LENG1: variants seen among roughly 807,000 people sequenced by gnomAD.
LENG1 encodes leukocyte receptor cluster (LRC) member 1.
A neutral mutation model predicts 28.8 loss-of-function variants in LENG1; 35 were observed. The observed-to-expected ratio is 1.22, with a 90% CI of 0.93 to 1.61. The LOEUF is 1.61. Ranked by LOEUF, LENG1 falls within the 40% of genes most tolerant of loss-of-function variation. The pLI is 0.00. For synonymous variants in LENG1, 170 were observed against 140.6 expected, an observed-to-expected ratio of 1.21 and a Z score of -1.48; for missense variants, 404 against 348.9, an observed-to-expected ratio of 1.16 and a Z score of -1.26.
At position 54,159,602 on chromosome 19, in the gene LENG1, TCTC is replaced by T. The variant is rs752904068; in HGVS notation, c.91_93del (p.Glu31del). ...AGCAGCACCCTCCGCTCACGCTCCT[TCTC>T]CTCCTCCCGGGCCTGGGCCTCGTCA... On this transcript the variant is annotated inframe_deletion, in exon 1 of 4. Coordinates refer to ENST00000222224, the MANE Select transcript of LENG1 (RefSeq NM_024316.3). 5.6e-5 allele frequency: 90 copies of T among 1,606,070 alleles called. 2 individuals are homozygous for T. In the South Asian group the frequency reaches 9.1e-4, roughly 16 times the overall value.
rs149799026 is a variant in LENG1, at chr19:54,155,205, T to C, written c.*516A>G. On this transcript the variant is annotated 3_prime_UTR_variant, in exon 4 of 4. Transcript: ENST00000222224. Reference sequence around the variant, plus strand: ...CGTGCAGGGCAGCTGGCCCGGTGCCTGACACATCCACAGCCCTAAGAATTG... The same window carrying C: ...CGTGCAGGGCAGCTGGCCCGGTGCCCGACACATCCACAGCCCTAAGAATTG... 12,382 of 1,439,386 alleles carry C rather than the reference T, an allele frequency of 8.6e-3. 56 individuals are homozygous for C. Among genetic ancestry groups the C allele is most frequent in the Non-Finnish European group, 0.011 (11,599 of 1,059,010 alleles). The allele number at this position is 1,439,386 out of a possible 1,614,324, so 89.2% of individuals were successfully genotyped here.
rs766009717 is a variant in LENG1 at position 54,156,982 on chromosome 19, T to C, written c.356A>G (p.Gln119Arg). 6.9e-6 allele frequency: 11 copies of C among 1,589,768 alleles called. No homozygotes were observed. The highest frequency in any genetic ancestry group is 9.4e-6 in the Non-Finnish European group (11 of 1,166,302). ...KALGILTYLG[Q>R]SAAEAQTQPP... ...TTGAGTCTGTGCCTCCGCTGCACTC[T>C]GGCCCAGGTATGTCAGGATGCCCAG... Residue 119 changes from glutamine to arginine, a missense_variant, in exon 3 of 4, where the codon CAG (glutamine) becomes CGG (arginine). Coordinates refer to ENST00000222224, the MANE Select transcript of LENG1 (RefSeq NM_024316.3).
chr19:54,155,602 T>A lies in LENG1; in HGVS notation c.*119A>T. On this transcript the variant is annotated 3_prime_UTR_variant, in exon 4 of 4. Coordinates refer to ENST00000222224, the MANE Select transcript of LENG1 (RefSeq NM_024316.3). ...CCCGGGGGCGAGGGCTGCCCCCTCC[T>A]CCCCTCCCCAGTGAGGGACATTTTT... 1 of 1,128,292 alleles carries A rather than the reference T, an allele frequency of 8.9e-7. No homozygotes were observed. Among genetic ancestry groups the A allele is most frequent in the Non-Finnish European group, 1.3e-6 (1 of 797,718 alleles). 69.9% of individuals were successfully genotyped at this position (1,128,292 alleles called of 1,614,324 possible). A position where few individuals can be genotyped will look rare whatever the true frequency, so the allele number is the denominator to read the frequency against.
intron 3 of LENG1, 93 bp downstream of exon 3, chr19:54,156,670 C>CT: frequency 7.4e-7 from 1 of 1,345,808 alleles, no homozygotes; most frequent in Non-Finnish European, 1.0e-6. Flanking sequence ...GAGTCCCTGG[C>CT]TGTCCTGACC....
chr19:54,155,259 T>C lies in LENG1; in HGVS notation c.*462A>G, dbSNP rs866796258. The C allele has an allele frequency of 1.2e-6, 2 of 1,605,328 alleles. No individual in the cohort carries two copies. Among genetic ancestry groups the C allele is most frequent in the African/African-American group, 2.7e-5 (2 of 74,740 alleles). ...CCTTTGTCTGTTGGTCCGGCCCAGA[T>C]CCCAGACCACCTCCTCGTCCACTCA... is the stretch of plus-strand genomic sequence containing the variant. On this transcript the variant is annotated 3_prime_UTR_variant, in exon 4 of 4. Coordinates refer to ENST00000222224, the MANE Select transcript of LENG1 (RefSeq NM_024316.3).
At chr19:54,158,140 T>C in intron 2 of LENG1, 142 bp downstream of exon 2, 1 of 816,518 alleles carries the variant, frequency 1.2e-6, no homozygotes, top group Non-Finnish European at 2.0e-6. Context: ...TAGCCAACGC[T>C]TTTTGAGTGT....
At position 54,158,462 on chromosome 19, in the gene LENG1, C is replaced by T. The variant is rs2075438008; in HGVS notation, c.133-1G>A. On this transcript the variant is annotated splice_acceptor_variant, in intron 1 of 3. Transcript: ENST00000222224. LOFTEE classifies it high-confidence loss of function. ...TCTTCCGTAGGAATTCTGTACGGGC[C>T]TGGGGAGAAAGTTATAGGCAGGACA... 1 of 1,612,680 alleles carries T rather than the reference C, an allele frequency of 6.2e-7. No homozygotes were observed. Among genetic ancestry groups the T allele is most frequent in the African/African-American group, 1.3e-5 (1 of 74,796 alleles).
chr19:54,157,059 T>C (rs765827044), intron 2 of LENG1, 34 bp from the exon 3 acceptor site: 22 of 1,493,050 alleles, frequency 1.5e-5, no homozygotes, highest in Non-Finnish European at 2.0e-5. Flanking sequence ...AGATGTGATA[T>C]AATCTTTCAA....
At chr19:54,158,503 T>A in intron 1 of LENG1, 42 bp from the exon 2 acceptor site, 19 of 1,578,732 alleles carry the variant, frequency 1.2e-5, no homozygotes, top group Non-Finnish European at 1.6e-5. Context: ...AACCTAGAGG[T>A]AATTCAAGAA....
Position 54,156,921 on chromosome 19 carries a change from GC to G in LENG1, c.416del (p.Gly139AlafsTer129), listed in dbSNP as rs2075401553. 6.2e-7 allele frequency: 1 copy of G among 1,612,042 alleles called. No homozygotes were observed. Among genetic ancestry groups the G allele is most frequent in the Non-Finnish European group, 8.5e-7 (1 of 1,178,386 alleles). Reference protein sequence around the residue: ...PWYQLPPGRGGPPPGPAPDEK... With the variant: ...PWYQLPPGRGXPPPGPAPDEK... ...CATCTGGGGCTGGGCCGGGCGGGGG[GC>G]CCCCTCGCCCTGGGGGTAGCTGGTA... On this transcript the variant is annotated frameshift_variant, in exon 3 of 4. Coordinates refer to ENST00000222224, the MANE Select transcript of LENG1 (RefSeq NM_024316.3). LOFTEE classifies it high-confidence loss of function.
At chr19:54,157,525 T>C (rs1473680196) in intron 2 of LENG1, among the ~76,000 whole-genome samples, 1 of 152,076 alleles carries the variant, frequency 6.6e-6, no homozygotes, top group African/African-American at 2.4e-5. Context: ...CACACCACCA[T>C]GCCCAGCTAA....
chr19:54,155,246 G>A lies in LENG1; in HGVS notation c.*475C>T. ...CTAAGAATTGTCCCCTTTGTCTGTT[G>A]GTCCGGCCCAGATCCCAGACCACCT... is the stretch of plus-strand genomic sequence containing the variant. On this transcript the variant is annotated 3_prime_UTR_variant, in exon 4 of 4. Transcript: ENST00000222224. The A allele has an allele frequency of 6.3e-7, 1 of 1,592,522 alleles. No homozygotes were observed. Among genetic ancestry groups the A allele is most frequent in the East Asian group, 2.3e-5 (1 of 43,498 alleles).
chr19:54,155,713 C>G lies in LENG1; in HGVS notation c.*8G>C, dbSNP rs1343688079. The G allele has an allele frequency of 2.5e-6, 4 of 1,606,280 alleles. No individual in the cohort carries two copies. The highest frequency in any genetic ancestry group is 3.4e-6 in the Non-Finnish European group (4 of 1,176,526). On this transcript the variant is annotated 3_prime_UTR_variant, in exon 4 of 4. Transcript: ENST00000222224. ...GCAGCAGCGGCCTCTCCTGTACCCC[C>G]TCAGGAGTCAGTGAGTAAGGTGAGG...
chr19:54,155,832 C>T lies in LENG1; in HGVS notation c.684G>A (p.Glu228=). ...CCGTCTCGTCTTCTTCCGGCTGACC[C>T]TCCTGTAGTGCCCGGCCTTGGACCC... ...LARVQGRALQ[E]GQPEEDETDD... is the part of the protein sequence containing the mutation. The change falls in exon 4 of 4, where the codon GAG becomes GAA. Residue 228 remains glutamate (E), a synonymous_variant. Transcript: ENST00000222224. 2 of 1,612,736 alleles carry T rather than the reference C, an allele frequency of 1.2e-6. No individual in the cohort carries two copies. The highest frequency in any genetic ancestry group is 8.5e-7 in the Non-Finnish European group (1 of 1,179,844).
At chr19:54,158,164 G>T in intron 2 of LENG1, 118 bp downstream of exon 2, 1 of 943,848 alleles carries the variant, frequency 1.1e-6, no homozygotes. Context: ...GCCTTGGTAT[G>T]GTCCTAAATT....
rs776436460 is a variant in LENG1, at chr19:54,159,617, C to T, written c.79G>A (p.Ala27Thr). Residue 27 changes from alanine to threonine, a missense_variant, in exon 1 of 4, where the codon GCC becomes ACC. Physicochemically the swap from Ala to Thr is moderately conservative, Grantham distance 58. Transcript: ENST00000222224. ...VARVRRDEAQ[A>T]REEEKERERR... ...TCACGCTCCTTCTCCTCCTCCCGGG[C>T]CTGGGCCTCGTCACGCCGCACGCGG... The T allele has an allele frequency of 6.2e-7, 1 of 1,610,742 alleles. No homozygotes were observed. Among genetic ancestry groups the T allele is most frequent in the Non-Finnish European group, 8.5e-7 (1 of 1,178,506 alleles).
In LENG1 at chr19:54,155,719, AG is replaced by A. The variant is rs2075365466; in HGVS notation, c.*1del. 3.7e-6 allele frequency: 6 copies of A among 1,607,896 alleles called. No homozygotes were observed. Among genetic ancestry groups the A allele is most frequent in the Non-Finnish European group, 5.1e-6 (6 of 1,177,424 alleles). On this transcript the variant is annotated 3_prime_UTR_variant, in exon 4 of 4. Transcript: ENST00000222224. ...GCGGCCTCTCCTGTACCCCCTCAGGAGTCAGTGAGTAAGGTGAGGGTCCTGC... is the reference window on the plus strand; with the variant it reads ...GCGGCCTCTCCTGTACCCCCTCAGGATCAGTGAGTAAGGTGAGGGTCCTGC...
intron 2 of LENG1, among the ~76,000 whole-genome samples, chr19:54,157,952 CA>C (rs1307467911): frequency 6.6e-6 from 1 of 152,100 alleles, no homozygotes; most frequent in Non-Finnish European, 1.5e-5. Context: ...TCAGGTGATC[CA>C]CCCGCCTCAG....
Position 54,155,748 on chromosome 19 carries a change from G to A in LENG1, c.768C>T (p.Arg256=), listed in dbSNP as rs2075366648. ...QFNPQLARRP[R]QQDPHLTH ...AGTGAGTAAGGTGAGGGTCCTGCTGGCGGGGGCGCCGGGCCAGCTGGGGGT... is the reference window on the plus strand; with the variant it reads ...AGTGAGTAAGGTGAGGGTCCTGCTGACGGGGGCGCCGGGCCAGCTGGGGGT... Residue 256 remains arginine, a synonymous_variant, in exon 4 of 4, where the codon CGC becomes CGT. Transcript: ENST00000222224. The A allele has an allele frequency of 1.2e-6, 2 of 1,610,190 alleles. No homozygotes were observed. The highest frequency in any genetic ancestry group is 2.7e-5 in the African/African-American group (2 of 75,050).
Sources: gnomAD v4.1 joint callset for allele counts (sites outside exome capture counted in the v4.1 genomes callset) on GRCh38, gnomAD v4.1.1 for gene constraint, MANE v1.5 for transcripts, NCBI Gene and HGNC (gene_info 2026-07-23, HGNC 2026-07-21) for gene names.